Variants in NBEA observed in about 807,000 individuals in gnomAD.
NBEA encodes the protein lysosomal-trafficking regulator 2.
Under a neutral mutation model 343.4 loss-of-function variants are expected in NBEA, and 44 were observed. The ratio of observed to expected loss-of-function variants is 0.13; its 90% confidence interval spans 0.10 to 0.16. The LOEUF is 0.16. Ranked by LOEUF, NBEA falls within the 10% of genes least tolerant of loss-of-function variation. The pLI is 1.00. For missense variants in NBEA, 2,555 were observed against 3,631.3 expected, an observed-to-expected ratio of 0.70 and a Z score of 7.62; for synonymous variants, 1,175 against 1,238.7, an observed-to-expected ratio of 0.95 and a Z score of 1.08.
chr13:35,327,508 A>G (rs117852743), intron 36 of NBEA, among the ~76,000 whole-genome samples: 2,276 of 152,132 alleles, frequency 0.015, 29 homozygotes, highest in Non-Finnish European at 0.022. Context: ...CCATTATCCT[A>G]TGCAAATTAA....
chr13:35,554,536 A>G (rs1277662138), intron 43 of NBEA, among the ~76,000 whole-genome samples: 1 of 152,204 alleles, frequency 6.6e-6, no homozygotes, highest in Non-Finnish European at 1.5e-5. Context: ...GAGGCTGTGC[A>G]TGTGTACACA....
At chr13:35,475,118 G>T (rs767735355) in intron 41 of NBEA, 2 of 1,614,098 alleles carry the variant, frequency 1.2e-6, no homozygotes, top group South Asian at 1.1e-5. Flanking sequence ...CGCCACGTTT[G>T]TTTGGCAGCG....
chr13:34,943,275 C>T (rs2059087613), intron 1 of NBEA, among the ~76,000 whole-genome samples, 161 bp downstream of exon 1: 2 of 152,102 alleles, frequency 1.3e-5, no homozygotes, highest in East Asian at 1.9e-4. Flanking sequence ...CCTGCCTGCG[C>T]GCTGCTAGAG....
intron 41 of NBEA, among the ~76,000 whole-genome samples, chr13:35,531,929 C>G (rs979560026): frequency 2.0e-5 from 3 of 152,138 alleles, no homozygotes; most frequent in Non-Finnish European, 4.4e-5. Context: ...AAAAGCAAAG[C>G]ACTTTCATCT....
At chr13:35,243,176 T>C (rs759899604) in intron 34 of NBEA, among the ~76,000 whole-genome samples, 1 of 151,858 alleles carries the variant, frequency 6.6e-6, no homozygotes, top group Non-Finnish European at 1.5e-5. Context: ...AGTTTTTATA[T>C]GCGATTGAAG....
intron 42 of NBEA, 143 bp from the exon 43 acceptor site, chr13:35,550,787 A>T (rs562122299): frequency 4.6e-6 from 3 of 656,466 alleles, no homozygotes; most frequent in African/African-American, 3.7e-5. Context: ...CTCATGGATA[A>T]AGTTATACTG....
intron 1 of NBEA, among the ~76,000 whole-genome samples, chr13:35,012,406 C>T (rs1329673990): frequency 6.6e-6 from 1 of 152,212 alleles, no homozygotes; most frequent in Non-Finnish European, 1.5e-5. Flanking sequence ...TAGGACCCAT[C>T]TCCCAACAAT....
chr13:35,621,667 G>C (rs1007543374), intron 48 of NBEA, among the ~76,000 whole-genome samples: 1 of 152,108 alleles, frequency 6.6e-6, no homozygotes, highest in African/African-American at 2.4e-5. Context: ...AATATTTGCT[G>C]AGTGAATGAA....
chr13:35,308,303 G>GA (rs1254878105), intron 35 of NBEA, among the ~76,000 whole-genome samples: 2 of 150,552 alleles, frequency 1.3e-5, no homozygotes, highest in Non-Finnish European at 3.0e-5. Context: ...ATCATAGGGG[G>GA]AAAAATCTAT....
In NBEA at chr13:35,654,978, A is replaced by G; in HGVS notation, c.8159A>G (p.Asp2720Gly). The G allele has an allele frequency of 6.4e-7, 1 of 1,562,064 alleles. No individual in the cohort carries two copies. Among genetic ancestry groups the G allele is most frequent in the Non-Finnish European group, 8.6e-7 (1 of 1,160,402 alleles). The change falls in exon 54 of 59, where the codon GAT becomes GGT. Residue 2720 changes from aspartate to glycine, a missense_variant. By Grantham distance (94) the Asp-to-Gly change is moderately conservative. This residue lies in a region of NBEA where 186 missense variants were observed against 328.9 expected (regional missense o/e 0.57). Coordinates refer to ENST00000379939, the MANE Select transcript of NBEA (RefSeq NM_001385012.1). ...NRYILICGFW[D>G]KSFRVYSTET... Reference sequence around the variant, plus strand: ...TATATTCTTATCTGTGGATTCTGGGATAAGAGCTTCAGAGTTTATTCTACA... The same window carrying G: ...TATATTCTTATCTGTGGATTCTGGGGTAAGAGCTTCAGAGTTTATTCTACA...
chr13:35,309,674 C>A, intron 36 of NBEA, 82 bp downstream of exon 36: 1 of 699,006 alleles, frequency 1.4e-6, no homozygotes, highest in Non-Finnish European at 2.3e-6. Context: ...CCATCTGTTC[C>A]AAAAATGTAG....
At chr13:35,378,548 A>C (rs1447007312) in intron 38 of NBEA, among the ~76,000 whole-genome samples, 1 of 152,070 alleles carries the variant, frequency 6.6e-6, no homozygotes, top group Non-Finnish European at 1.5e-5. Flanking sequence ...GTTATTTTAC[A>C]AGTAAATCAA....
At chr13:35,634,954 T>C (rs1425833789) in intron 49 of NBEA, among the ~76,000 whole-genome samples, 1 of 152,098 alleles carries the variant, frequency 6.6e-6, no homozygotes, top group Admixed American at 6.6e-5. Flanking sequence ...TCCTTGCTAC[T>C]ACAGAGAATT....
chr13:35,169,030 A>G lies in NBEA; in HGVS notation c.4242+35A>G, dbSNP rs199922335. ...ACTTTTGTAGTAATTTTCAGCTTTC[A>G]GTTTCAAGTTTTATTTTTACTTATT... On this transcript the variant is annotated intron_variant, in intron 25 of 58. Coordinates refer to ENST00000379939, the MANE Select transcript of NBEA (RefSeq NM_001385012.1). The G allele has an allele frequency of 7.3e-4, 1,059 of 1,445,338 alleles. 1 individual carries two copies. The highest frequency in any genetic ancestry group is 9.0e-4 in the Non-Finnish European group (979 of 1,088,128). 89.5% of individuals were successfully genotyped at this position (1,445,338 alleles called of 1,614,324 possible).
At chr13:35,613,001 T>G (rs2082590354) in intron 48 of NBEA, among the ~76,000 whole-genome samples, 1 of 151,552 alleles carries the variant, frequency 6.6e-6, no homozygotes, top group Non-Finnish European at 1.5e-5. Flanking sequence ...TGTATACAAG[T>G]CAGAATAGTT....
chr13:35,124,775 T>C (rs12560384), intron 17 of NBEA, among the ~76,000 whole-genome samples: 1 of 149,190 alleles, frequency 6.7e-6, no homozygotes. Context: ...TATACACACA[T>C]ATATGGATAT....
intron 17 of NBEA, among the ~76,000 whole-genome samples, chr13:35,137,184 C>T (rs1285952580): frequency 6.6e-6 from 1 of 152,170 alleles, no homozygotes. Flanking sequence ...GGCACGGTGG[C>T]TCATGCCTGC....
intron 16 of NBEA, among the ~76,000 whole-genome samples, chr13:35,122,871 A>G (rs1216064388): frequency 6.6e-6 from 1 of 152,128 alleles, no homozygotes; most frequent in African/African-American, 2.4e-5. Context: ...TCTAGTTTCT[A>G]TTTTAAACAG....
intron 38 of NBEA, among the ~76,000 whole-genome samples, chr13:35,413,317 A>G (rs962053328): frequency 6.6e-6 from 1 of 152,070 alleles, no homozygotes; most frequent in African/African-American, 2.4e-5. Flanking sequence ...TTACCACTTA[A>G]CTCTTGTAGC....
Sources: allele counts gnomAD v4.1 joint callset (sites outside exome capture counted in the v4.1 genomes callset), GRCh38; gene constraint gnomAD v4.1.1; regional missense constraint gnomAD v4.1.1; transcripts MANE v1.5; gene names NCBI Gene and HGNC (gene_info 2026-07-23, HGNC 2026-07-21).